Variants in DYNC1I1 observed in about 807,000 individuals in gnomAD.
DYNC1I1 encodes dynein cytoplasmic 1 intermediate chain 1.
A neutral mutation model predicts 86.6 loss-of-function variants in DYNC1I1; 43 were observed. That is an observed-to-expected ratio of 0.50 (90% CI 0.39 to 0.64). The LOEUF (loss-of-function observed/expected upper bound fraction) is 0.64, where lower values mean the gene tolerates loss of function less well. Ranked by LOEUF, DYNC1I1 falls within the 30% of genes least tolerant of loss-of-function variation. The pLI is 0.00. For missense variants in DYNC1I1, 604 were observed against 788.8 expected, an observed-to-expected ratio of 0.77 and a Z score of 2.81; for synonymous variants, 262 against 283.7, an observed-to-expected ratio of 0.92 and a Z score of 0.77.
chr7:96,102,357 A>T (rs1791148629), downstream of DYNC1I1, among the ~76,000 whole-genome samples: 1 of 152,180 alleles, frequency 6.6e-6, no homozygotes, highest in African/African-American at 2.4e-5. Context: ...AATGTACCAG[A>T]TGCCTTGGTA....
intron 1 of DYNC1I1, among the ~76,000 whole-genome samples, chr7:95,795,561 A>G (rs566671984): frequency 5.9e-5 from 9 of 152,342 alleles, no homozygotes; most frequent in African/African-American, 1.9e-4. Context: ...CAGCCATAAA[A>G]AAGAACGAGA....
chr7:95,777,991 A>G (rs1205069044), intron 1 of DYNC1I1, among the ~76,000 whole-genome samples: 2 of 152,216 alleles, frequency 1.3e-5, no homozygotes, highest in Non-Finnish European at 2.9e-5. Flanking sequence ...GTAAACTTTG[A>G]CAGTTAAAAA....
At chr7:96,087,384 G>C (rs1293966232) in intron 16 of DYNC1I1, among the ~76,000 whole-genome samples, 1 of 152,134 alleles carries the variant, frequency 6.6e-6, no homozygotes, top group Non-Finnish European at 1.5e-5. Flanking sequence ...TGATTGCATG[G>C]CTCGGTTTTT....
intron 16 of DYNC1I1, among the ~76,000 whole-genome samples, chr7:96,094,509 C>CTG (rs1790940765): frequency 6.6e-6 from 1 of 152,168 alleles, no homozygotes; most frequent in Non-Finnish European, 1.5e-5. Flanking sequence ...GTCATGGAAA[C>CTG]AGCAAAGTGA....
intron 5 of DYNC1I1, among the ~76,000 whole-genome samples, chr7:95,844,061 A>G (rs1789361445): frequency 6.6e-6 from 1 of 152,212 alleles, no homozygotes; most frequent in Non-Finnish European, 1.5e-5. Context: ...TGAGATTACC[A>G]GTCTTCCAGA....
At chr7:95,846,895 C>A (rs1473466013) in intron 5 of DYNC1I1, among the ~76,000 whole-genome samples, 2 of 152,172 alleles carry the variant, frequency 1.3e-5, no homozygotes, top group Non-Finnish European at 2.9e-5. Flanking sequence ...TCTACATTCT[C>A]TTTTTCTATA....
chr7:96,099,427 G>A (rs1460517171), downstream of DYNC1I1, among the ~76,000 whole-genome samples: 2 of 152,274 alleles, frequency 1.3e-5, no homozygotes, highest in Admixed American at 6.5e-5. Context: ...AGACTGCTAC[G>A]TGGTTTCCAG....
intron 6 of DYNC1I1, among the ~76,000 whole-genome samples, chr7:95,880,429 A>G (rs1207776127): frequency 1.3e-5 from 2 of 152,054 alleles, no homozygotes; most frequent in African/African-American, 2.4e-5. Context: ...GTTTCAGGCC[A>G]TCTCCAGTTT....
At chr7:96,044,715 A>G (rs1364415491) in intron 14 of DYNC1I1, among the ~76,000 whole-genome samples, 1 of 152,188 alleles carries the variant, frequency 6.6e-6, no homozygotes, top group Non-Finnish European at 1.5e-5. Flanking sequence ...AAAGCAGAGC[A>G]AACTCTCCTG....
chr7:95,897,976 A>G (rs1382437167), intron 6 of DYNC1I1, among the ~76,000 whole-genome samples: 3 of 152,056 alleles, frequency 2.0e-5, no homozygotes, highest in African/African-American at 7.2e-5. Context: ...TATTCTTTCC[A>G]TTTCCTGAAG....
intron 16 of DYNC1I1, among the ~76,000 whole-genome samples, chr7:96,103,737 T>C (rs1395194203): frequency 2.0e-5 from 3 of 151,974 alleles, no homozygotes; most frequent in Non-Finnish European, 4.4e-5. Context: ...CTCAGCCTCC[T>C]GAGTAGCTGG....
chr7:96,094,028 A>G (rs757093142), intron 16 of DYNC1I1, among the ~76,000 whole-genome samples: 3 of 152,194 alleles, frequency 2.0e-5, no homozygotes, highest in African/African-American at 4.8e-5. Context: ...AGGAAATGTT[A>G]CAGTTGTCAC....
intron 9 of DYNC1I1, among the ~76,000 whole-genome samples, chr7:95,988,216 A>C (rs1793644948): frequency 6.6e-6 from 1 of 152,104 alleles, no homozygotes; most frequent in East Asian, 1.9e-4. Context: ...TTCTCTACTA[A>C]AAATGCAAAA....
At chr7:96,063,453 C>T (rs1030887410) in intron 14 of DYNC1I1, among the ~76,000 whole-genome samples, 1 of 152,246 alleles carries the variant, frequency 6.6e-6, no homozygotes, top group Admixed American at 6.5e-5. Flanking sequence ...GTTTAAACAA[C>T]AGAAATGCAT....
At chr7:96,065,302 G>A (rs571861587) in intron 14 of DYNC1I1, among the ~76,000 whole-genome samples, 1 of 150,680 alleles carries the variant, frequency 6.6e-6, no homozygotes, top group Admixed American at 6.6e-5. Context: ...TACTCTCTCA[G>A]CCCAAATGCT....
chr7:95,809,692 A>G (rs1252263921), intron 2 of DYNC1I1, among the ~76,000 whole-genome samples: 4 of 152,174 alleles, frequency 2.6e-5, no homozygotes, highest in African/African-American at 9.7e-5. Flanking sequence ...TGAAAAACAT[A>G]ATGTGTTTTT....
At chr7:95,834,493 G>T (rs1789017149) in intron 5 of DYNC1I1, among the ~76,000 whole-genome samples, 1 of 107,526 alleles carries the variant, frequency 9.3e-6, no homozygotes, top group Non-Finnish European at 1.8e-5. Flanking sequence ...CATAAAATGA[G>T]TTAGGGAGGA....
intron 9 of DYNC1I1, among the ~76,000 whole-genome samples, chr7:95,994,928 G>A (rs1270445320): frequency 6.6e-6 from 1 of 152,098 alleles, no homozygotes; most frequent in Non-Finnish European, 1.5e-5. Context: ...GAAATTTAGT[G>A]TGTGGGAGTG....
intron 6 of DYNC1I1, among the ~76,000 whole-genome samples, chr7:95,872,387 T>A (rs759787792): frequency 1.7e-4 from 26 of 152,364 alleles, no homozygotes; most frequent in Non-Finnish European, 3.5e-4. Context: ...ATTGTTTGAC[T>A]GTGGACAGTT....
Sources: gnomAD v4.1 joint callset for allele counts (sites outside exome capture counted in the v4.1 genomes callset) on GRCh38, gnomAD v4.1.1 for gene constraint, MANE v1.5 for transcripts, NCBI Gene and HGNC (gene_info 2026-07-23, HGNC 2026-07-21) for gene names.